The following SVEP1 variants were observed in gnomAD, a reference collection of about 807,000 sequenced individuals.
The protein encoded by SVEP1 is sushi, von Willebrand factor type A, EGF and pentraxin domain-containing protein 1.
SVEP1 carries 164 observed loss-of-function variants against 367.3 expected under a neutral mutation model. The observed-to-expected ratio is 0.45, with a 90% confidence interval of 0.39 to 0.51. The LOEUF is 0.51. SVEP1 is among the 20% of genes least tolerant of loss of function. The probability of loss-of-function intolerance (pLI) is 0.00; values close to 1 mark genes in which losing one functional copy is unlikely to be tolerated. For synonymous variants in SVEP1, 1,666 were observed against 1,611.6 expected (o/e 1.03, Z -0.81); for missense variants, 4,117 against 4,425.3 (o/e 0.93, Z 1.98).
chr9:110,414,008 A>C (rs1423927525), intron 36 of SVEP1, among the ~76,000 whole-genome samples: 1 of 152,048 alleles, frequency 6.6e-6, no homozygotes, highest in Admixed American at 6.5e-5. Context: ...AAGCAGCAGA[A>C]TTGGGATCAG....
rs7852167 is a variant in SVEP1 at position 110,467,903 on chromosome 9, T to G, written c.3160+1037A>C. On this transcript the variant is annotated intron_variant, in intron 17 of 47. Transcript: ENST00000374469. Reference sequence around the variant, plus strand: ...TGCCTGCCTCAGCCTCCCAAAGTGCTGGGATTACAGGTGTGAGCCACCATA... The same window carrying G: ...TGCCTGCCTCAGCCTCCCAAAGTGCGGGGATTACAGGTGTGAGCCACCATA... Among the ~76,000 whole-genome samples the G allele has an allele frequency of 5.7e-3, 872 of 152,262 alleles. 7 individuals carry two copies. The highest frequency in any genetic ancestry group is 0.02 in the African/African-American group (813 of 41,514).
At chr9:110,410,348 C>T (rs1286997822) in intron 37 of SVEP1, among the ~76,000 whole-genome samples, 1 of 152,148 alleles carries the variant, frequency 6.6e-6, no homozygotes. Flanking sequence ...TTGGGTTGGA[C>T]TGAACTCTTT....
intron 8 of SVEP1, 86 bp downstream of exon 8, chr9:110,496,729 A>G: frequency 1.1e-6 from 1 of 906,004 alleles, no homozygotes; most frequent in South Asian, 1.6e-5. Flanking sequence ...TATTACCATG[A>G]GCATATTAGT....
At chr9:110,462,296 C>G (rs1197690322) in intron 18 of SVEP1, among the ~76,000 whole-genome samples, 1 of 151,686 alleles carries the variant, frequency 6.6e-6, no homozygotes, top group East Asian at 1.9e-4. Context: ...CTAAAAATAC[C>G]CAACTCATCA....
intron 46 of SVEP1, among the ~76,000 whole-genome samples, chr9:110,371,983 C>A (rs1490793626): frequency 6.6e-6 from 1 of 150,978 alleles, no homozygotes; most frequent in African/African-American, 2.5e-5. Flanking sequence ...GCTTCTGTTG[C>A]TCTCAACACA....
chr9:110,433,247 A>G (rs1407202261), intron 30 of SVEP1, among the ~76,000 whole-genome samples: 1 of 151,834 alleles, frequency 6.6e-6, no homozygotes, highest in East Asian at 1.9e-4. Context: ...ATTTCTTTAT[A>G]GCAATGCAAA....
intron 9 of SVEP1, among the ~76,000 whole-genome samples, chr9:110,488,781 G>T (rs1414134088): frequency 6.6e-6 from 1 of 152,172 alleles, no homozygotes; most frequent in Non-Finnish European, 1.5e-5. Context: ...GGCTAAGGCA[G>T]GAGGATTGCT....
At chr9:110,484,403 G>A (rs1359942823) in intron 9 of SVEP1, among the ~76,000 whole-genome samples, 1 of 152,186 alleles carries the variant, frequency 6.6e-6, no homozygotes, top group Non-Finnish European at 1.5e-5. Flanking sequence ...GCTGAAGGGT[G>A]GATGTGAGGT....
chr9:110,472,414 C>T, intron 14 of SVEP1, 91 bp from the exon 15 acceptor site: 1 of 1,299,606 alleles, frequency 7.7e-7, no homozygotes, highest in East Asian at 2.5e-5. Context: ...TGAAATTACA[C>T]TTGACCATTT....
At chr9:110,388,042 G>C (rs1300224689) in intron 41 of SVEP1, among the ~76,000 whole-genome samples, 2 of 152,108 alleles carry the variant, frequency 1.3e-5, no homozygotes, top group Non-Finnish European at 2.9e-5. Flanking sequence ...ATTATCTCAT[G>C]TAACAGTTGG....
intron 3 of SVEP1, among the ~76,000 whole-genome samples, chr9:110,541,825 A>G (rs1315650256): frequency 1.4e-5 from 2 of 142,266 alleles, no homozygotes; most frequent in African/African-American, 2.5e-5. Context: ...AGATATCTAT[A>G]TATATCTATA....
chr9:110,552,634 AC>A (rs1830304798), intron 1 of SVEP1, among the ~76,000 whole-genome samples: 2 of 152,048 alleles, frequency 1.3e-5, no homozygotes, highest in African/African-American at 4.8e-5. Flanking sequence ...TCCCTCGCAT[AC>A]AGTTCACAAT....
intron 7 of SVEP1, among the ~76,000 whole-genome samples, chr9:110,497,368 C>T (rs75071390): frequency 0.02 from 3,013 of 152,262 alleles, 45 homozygotes; most frequent in South Asian, 0.065. Flanking sequence ...CATTTGAGGT[C>T]CCCACTCCAC....
chr9:110,516,944 G>T (rs1197735075), intron 3 of SVEP1, among the ~76,000 whole-genome samples: 3 of 152,028 alleles, frequency 2.0e-5, no homozygotes, highest in Non-Finnish European at 4.4e-5. Flanking sequence ...GAAAAATATT[G>T]CAAGCTTATA....
At chr9:110,390,077 ACG>A (rs1330114527) in intron 40 of SVEP1, among the ~76,000 whole-genome samples, 3,204 of 121,232 alleles carry the variant, frequency 0.026, 73 homozygotes, top group African/African-American at 0.05. Context: ...ATATATATAT[ACG>A]TGTATATATA....
Position 110,552,160 on chromosome 9 carries a change from T to C in SVEP1, c.532-2056A>G, listed in dbSNP as rs148620300. On this transcript the variant is annotated intron_variant, in intron 1 of 47. Coordinates refer to ENST00000374469, the MANE Select transcript of SVEP1 (RefSeq NM_153366.4). ...GATTCTCCTGCCTCAGCCTCCCGAGTAGCTGGGACTACAGGCACATACCAC... is the reference window on the plus strand; with the variant it reads ...GATTCTCCTGCCTCAGCCTCCCGAGCAGCTGGGACTACAGGCACATACCAC... 6.0e-3 allele frequency among the ~76,000 whole-genome samples: 898 copies of C among 150,696 alleles called. 3 individuals carry two copies. Among genetic ancestry groups the C allele is most frequent in the African/African-American group, 0.021 (848 of 40,974 alleles).
intron 3 of SVEP1, among the ~76,000 whole-genome samples, chr9:110,520,163 A>T (rs989106054): frequency 6.6e-5 from 10 of 152,214 alleles, no homozygotes; most frequent in African/African-American, 2.4e-4. Context: ...ACATTTGGAA[A>T]TGTATTGTGA....
At chr9:110,530,105 T>A (rs1829998775) in intron 3 of SVEP1, among the ~76,000 whole-genome samples, 1 of 152,184 alleles carries the variant, frequency 6.6e-6, no homozygotes. Context: ...CTCCATCTAT[T>A]GAGATGATCA....
chr9:110,472,022 A>T (rs1588070077), intron 15 of SVEP1, 137 bp downstream of exon 15: 1 of 905,446 alleles, frequency 1.1e-6, no homozygotes, highest in Non-Finnish European at 1.7e-6. Flanking sequence ...GACAAGGCTT[A>T]GTTAACTGTG....
Sources: gnomAD v4.1 joint callset for allele counts (sites outside exome capture counted in the v4.1 genomes callset) on GRCh38, gnomAD v4.1.1 for gene constraint, MANE v1.5 for transcripts, NCBI Gene and HGNC (gene_info 2026-07-23, HGNC 2026-07-21) for gene names.